DAPK2: variants seen among roughly 807,000 people sequenced by gnomAD.
DAPK2 encodes death-associated protein kinase 2.
In DAPK2, 35 loss-of-function variants were observed where a neutral mutation model predicts 44.1. The ratio of observed to expected loss-of-function variants is 0.79; its 90% CI spans 0.61 to 1.05. DAPK2 has a LOEUF of 1.05. Among genes scored for constraint, DAPK2 ranks in the 50% least tolerant of loss-of-function variants. The pLI is 0.00. For missense variants in DAPK2, 453 were observed against 483.2 expected, an observed-to-expected ratio of 0.94 and a Z score of 0.59; for synonymous variants, 174 against 182.6, an observed-to-expected ratio of 0.95 and a Z score of 0.38.
chr15:64,026,824 A>C (rs1392979975), intron 1 of DAPK2, among the ~76,000 whole-genome samples: 1 of 152,204 alleles, frequency 6.6e-6, no homozygotes, highest in Non-Finnish European at 1.5e-5. Context: ...AGAGCTCTGC[A>C]TTTAGTCCCA....
rs2079132567 is a variant in DAPK2 at position 63,923,155 on chromosome 15, C to G, written c.858+1661G>C. ...CCTGGATGGTATCGTGGGCCTCCAC[C>G]AGGGCACGGCATCCCAGGTCGACCC... On this transcript the variant is annotated intron_variant, in intron 8 of 10. Transcript: ENST00000261891. This position sits in a 1 kb window ranked among gnomAD's most constrained non-coding sequence, Gnocchi z 4.2. 1 of 1,535,724 alleles carries G rather than the reference C, an allele frequency of 6.5e-7. No homozygotes were observed. Among genetic ancestry groups the G allele is most frequent in the Admixed American group, 2.0e-5 (1 of 50,968 alleles).
At position 63,980,914 on chromosome 15, in the gene DAPK2, AC is replaced by A. The variant is rs2078489054; in HGVS notation, c.314+2618del. Among the ~76,000 whole-genome samples, 1 of 151,898 alleles carries A rather than the reference AC, an allele frequency of 6.6e-6. No individual in the cohort carries two copies. The highest frequency in any genetic ancestry group is 2.4e-5 in the African/African-American group (1 of 41,312). The stretch of plus-strand genomic sequence containing the variant: ...AGACCAGCCTGGCCAACATGGAGAA[AC>A]CCCATCTCTACTAAAAATACAAAAA... On this transcript the variant is annotated intron_variant, in intron 2 of 10. Coordinates refer to ENST00000261891, the Ensembl canonical transcript of DAPK2. This position sits in a 1 kb window ranked among gnomAD's most constrained non-coding sequence, Gnocchi z 4.3.
At chr15:63,933,168 A>T (rs1305862328) in intron 4 of DAPK2, among the ~76,000 whole-genome samples, 1 of 152,256 alleles carries the variant, frequency 6.6e-6, no homozygotes, top group Non-Finnish European at 1.5e-5. Context: ...TGGACTATGC[A>T]TTTAGAGACT....
At chr15:63,929,473 T>C in intron 6 of DAPK2, 78 bp downstream of exon 7, 1 of 1,580,952 alleles carries the variant, frequency 6.3e-7, no homozygotes. Flanking sequence ...TGTCAGTCTA[T>C]CAGCCTGCCC....
Position 63,929,369 on chromosome 15 carries a change from C to T in DAPK2, c.659+182G>A, listed in dbSNP as rs2079440389. On this transcript the variant is annotated intron_variant, in intron 6 of 10. Transcript: ENST00000261891. ...CCTGGATGCCTATTCAACCTCAATG[C>T]CAGGGTCAGATGGATGAAATGGACC... The T allele has an allele frequency of 2.0e-5, 14 of 709,256 alleles. No individual in the cohort carries two copies. In the Admixed American group the frequency reaches 3.3e-4, roughly 17 times the overall value. The allele number at this position is 709,256 out of a possible 1,614,324, so 43.9% of individuals were successfully genotyped here.
At chr15:63,983,711 C>G (rs755773376) in exon 2 of DAPK2, 1 of 1,613,296 alleles carries the variant, frequency 6.2e-7, no homozygotes, top group South Asian at 1.1e-5. Flanking sequence ...TACTCAAGCC[C>G]CGTGCTCTTC....
chr15:63,958,197 G>A (rs1382691084), intron 3 of DAPK2, among the ~76,000 whole-genome samples: 1 of 152,046 alleles, frequency 6.6e-6, no homozygotes, highest in Non-Finnish European at 1.5e-5. Flanking sequence ...CTTTTTGATG[G>A]AGTTGTTTTT....
chr15:63,982,618 C>T (rs2078553839), intron 2 of DAPK2, among the ~76,000 whole-genome samples: 2 of 152,176 alleles, frequency 1.3e-5, no homozygotes. Context: ...GCTAGCCAAA[C>T]CCTAGAGTAT....
intron 1 of DAPK2, among the ~76,000 whole-genome samples, chr15:64,018,147 T>C (rs545174141): frequency 7.2e-5 from 11 of 152,270 alleles, no homozygotes; most frequent in African/African-American, 2.2e-4. Context: ...AATCCAACTT[T>C]GATGAAACCC....
In DAPK2 at chr15:63,942,565, C is replaced by A. The variant is rs530641835; in HGVS notation, c.454-3204G>T. Among the ~76,000 whole-genome samples the A allele has an allele frequency of 9.3e-5, 14 of 150,938 alleles. No homozygotes were observed. In the South Asian group the frequency reaches 1.7e-3, roughly 18 times the overall value. ...AGACTCCATCTCAAAAAAACAACAACAAAAAAAACAAAAATAAAAAAACAA... is the reference window on the plus strand; with the variant it reads ...AGACTCCATCTCAAAAAAACAACAAAAAAAAAAACAAAAATAAAAAAACAA... On this transcript the variant is annotated intron_variant, in intron 3 of 10. Transcript: ENST00000261891.
chr15:64,040,387 T>A, upstream of DAPK2: 2 of 743,626 alleles, frequency 2.7e-6, no homozygotes, highest in East Asian at 2.6e-5. Context: ...ATCCACAGCC[T>A]TGGTTCTTCA....
At chr15:64,009,692 T>C (rs16947689) in intron 1 of DAPK2, among the ~76,000 whole-genome samples, 5,937 of 152,204 alleles carry the variant, frequency 0.039, 391 homozygotes, top group African/African-American at 0.14. Flanking sequence ...TGGAATATGT[T>C]AGCTCCTAAA....
At position 63,923,251 on chromosome 15, in the gene DAPK2, G is replaced by A; in HGVS notation, c.858+1565C>T. 1 of 1,535,930 alleles carries A rather than the reference G, an allele frequency of 6.5e-7. No individual in the cohort carries two copies. The highest frequency in any genetic ancestry group is 8.7e-7 in the Non-Finnish European group (1 of 1,146,736). Reference sequence around the variant, plus strand: ...AGGAGTTGTTGGGAGGCATGCTTGAGTGGCATTTGAGAGTGTACTCTCTCA... The same window carrying A: ...AGGAGTTGTTGGGAGGCATGCTTGAATGGCATTTGAGAGTGTACTCTCTCA... On this transcript the variant is annotated intron_variant, in intron 8 of 10. Transcript: ENST00000261891. The surrounding 1 kb of genome is among the most constrained non-coding windows in gnomAD (Gnocchi z 4.2).
intron 10 of DAPK2, chr15:63,911,273 T>C (rs1481924939): frequency 6.6e-6 from 1 of 151,214 alleles, no homozygotes; most frequent in Non-Finnish European, 1.5e-5. Context: ...AATATGTCAT[T>C]ATTTAATCTT....
rs936441273 is a variant in DAPK2 at position 64,046,129 on chromosome 15, C to T, written c.-7+169G>A. Among the ~76,000 whole-genome samples, 6 of 151,980 alleles carry T rather than the reference C, an allele frequency of 3.9e-5. No homozygotes were observed. The highest frequency in any genetic ancestry group is 7.4e-5 in the Non-Finnish European group (5 of 67,934). ...GGCGGGCAGCTCCCGCGCTCGGGTG[C>T]CGGCCACAATGCCCCGGGCCACGGC... On this transcript the variant is annotated intron_variant, in intron 1 of 11. Transcript: ENST00000457488. This position sits in a 1 kb window ranked among gnomAD's most constrained non-coding sequence, Gnocchi z 5.3.
At chr15:64,010,999 T>C (rs16947693) in intron 1 of DAPK2, among the ~76,000 whole-genome samples, 5,846 of 152,222 alleles carry the variant, frequency 0.038, 388 homozygotes, top group African/African-American at 0.13. Flanking sequence ...TCTGGGGACA[T>C]AGCAACAACA....
chr15:63,953,606 T>C (rs1595789386), intron 3 of DAPK2, among the ~76,000 whole-genome samples: 1 of 152,238 alleles, frequency 6.6e-6, no homozygotes, highest in African/African-American at 2.4e-5. Context: ...TTCTCCAATA[T>C]ACTAATTTCC....
chr15:63,908,443 G>T lies in DAPK2; in HGVS notation c.*77C>A. 1 of 951,764 alleles carries T rather than the reference G, an allele frequency of 1.1e-6. No homozygotes were observed. Among genetic ancestry groups the T allele is most frequent in the Non-Finnish European group, 1.5e-6 (1 of 658,178 alleles). The allele number at this position is 951,764 out of a possible 1,614,324, so 59.0% of individuals were successfully genotyped here. A position where few individuals can be genotyped will look rare whatever the true frequency, so the allele number is the denominator to read the frequency against. ...CAGGACGCCCGGGTGCTGGTGCTGA[G>T]CTGGGTCCAAAAGTCTGCACAGAAG... On this transcript the variant is annotated 3_prime_UTR_variant, in exon 11 of 11. Coordinates refer to ENST00000261891, the Ensembl canonical transcript of DAPK2. The surrounding 1 kb of genome is among the most constrained non-coding windows in gnomAD (Gnocchi z 5.7).
At chr15:63,922,622 A>T in intron 8 of DAPK2, 1 of 1,431,210 alleles carries the variant, frequency 7.0e-7, no homozygotes. Flanking sequence ...CTGGAAGGCT[A>T]TACTACAGAC....
Sources: allele counts gnomAD v4.1 joint callset (sites outside exome capture counted in the v4.1 genomes callset), GRCh38; gene constraint gnomAD v4.1.1; non-coding constraint Gnocchi (gnomAD v3.1); transcripts MANE v1.5; gene names NCBI Gene and HGNC (gene_info 2026-07-23, HGNC 2026-07-21).